Variants in MEST observed in about 807,000 individuals in gnomAD.
MEST encodes the protein mesoderm specific transcript.
A neutral mutation model predicts 50.9 loss-of-function variants in MEST; 18 were observed. That is an observed-to-expected ratio of 0.35 (90% CI 0.24 to 0.52). The LOEUF (loss-of-function observed/expected upper bound fraction) is 0.52, where lower values mean the gene tolerates loss of function less well. Ranked by LOEUF, MEST falls within the 20% of genes least tolerant of loss-of-function variation. The pLI is 0.94. For synonymous variants in MEST, 130 were observed against 154.1 expected (o/e 0.84, Z 1.16); for missense variants, 282 against 425.3 (o/e 0.66, Z 2.96).
intron 10 of MEST, among the ~76,000 whole-genome samples, chr7:130,503,663 T>C (rs1202926575): frequency 6.6e-6 from 1 of 152,066 alleles, no homozygotes; most frequent in African/African-American, 2.4e-5. Context: ...AATTTAAAAG[T>C]TAGCCAAGTG....
Position 130,505,155 on chromosome 7 carries a change from A to T in MEST, c.*99A>T. The T allele has an allele frequency of 2.2e-6, 2 of 894,540 alleles. No individual in the cohort carries two copies. Among genetic ancestry groups the T allele is most frequent in the South Asian group, 2.9e-5 (2 of 68,630 alleles). 55.4% of individuals were successfully genotyped at this position (894,540 alleles called of 1,614,324 possible). ...GCCCAAAAGAGGTCCTGGCCATCAA[A>T]CATAATTCTCTCACAAAGTCCACTT... On this transcript the variant is annotated 3_prime_UTR_variant, in exon 12 of 12. Coordinates refer to ENST00000223215, the MANE Select transcript of MEST (RefSeq NM_002402.4).
chr7:130,495,242 T>C (rs1554436486), intron 1 of MEST, 126 bp from the exon 2 acceptor site: 4 of 911,108 alleles, frequency 4.4e-6, no homozygotes, highest in Admixed American at 5.3e-5. Context: ...TTTGTGCCTA[T>C]GTGAAGGGCA....
intron 9 of MEST, among the ~76,000 whole-genome samples, chr7:130,501,630 C>T (rs1052242541): frequency 1.3e-5 from 2 of 152,090 alleles, no homozygotes; most frequent in African/African-American, 2.4e-5. Flanking sequence ...TGGTGTCTTA[C>T]GCTGGAGAAA....
In MEST at chr7:130,506,227, AG is replaced by A. The variant is rs1161897346; in HGVS notation, c.*1172del. On this transcript the variant is annotated 3_prime_UTR_variant, in exon 12 of 12. Transcript: ENST00000223215. ...TCGTTTTTTTAAATTAGCAACTTCA[AG>A]TATAACAACTTTGAAACTGGAATAA... The A allele has an allele frequency of 4.6e-5, 7 of 152,462 alleles. No homozygotes were observed. The highest frequency in any genetic ancestry group is 4.6e-4 in the Admixed American group (7 of 15,280). 9.4% of individuals were successfully genotyped at this position (152,462 alleles called of 1,614,324 possible). A position where few individuals can be genotyped will look rare whatever the true frequency, so the allele number is the denominator to read the frequency against.
chr7:130,504,038 A>G (rs1799379207), intron 11 of MEST, 42 bp downstream of exon 11: 2 of 1,494,438 alleles, frequency 1.3e-6, no homozygotes, highest in East Asian at 4.5e-5. Flanking sequence ...TTAGTATCTC[A>G]TCCTGACAGT....
Position 130,500,471 on chromosome 7 carries a change from G to C in MEST, c.586G>C (p.Asp196His). Residue 196 changes from aspartate to histidine, a missense_variant, in exon 8 of 12, where the codon GAT becomes CAT. By Grantham distance (81) the Asp-to-His change is moderately conservative. Coordinates refer to ENST00000223215, the MANE Select transcript of MEST (RefSeq NM_002402.4). The surrounding 1 kb of genome is among the most constrained non-coding windows in gnomAD (Gnocchi z 5.0). ...ACTTATTCCCCTCCAGCTACTCAAAGATGGAGGTGTGCTGTCACCCATCCT... is the reference window on the plus strand; with the variant it reads ...ACTTATTCCCCTCCAGCTACTCAAACATGGAGGTGTGCTGTCACCCATCCT... Reference protein sequence around the residue: ...RPLLLQKLLKDGGVLSPILTR... With the variant: ...RPLLLQKLLKHGGVLSPILTR... 1 of 1,613,730 alleles carries C rather than the reference G, an allele frequency of 6.2e-7. No homozygotes were observed. Among genetic ancestry groups the C allele is most frequent in the Non-Finnish European group, 8.5e-7 (1 of 1,179,830 alleles).
At position 130,502,245 on chromosome 7, in the gene MEST, C is replaced by G. The variant is rs141299852; in HGVS notation, c.750-399C>G. Among the ~76,000 whole-genome samples, 4 of 152,172 alleles carry G rather than the reference C, an allele frequency of 2.6e-5. No homozygotes were observed. The East Asian group carries it at 7.7e-4, about 29-fold the overall frequency. On this transcript the variant is annotated intron_variant, in intron 9 of 11. Transcript: ENST00000223215. Reference sequence around the variant, plus strand: ...AGACCCTGTCTTTTAAAAAACAAACCAACAAATGAGGAAACCGAGTTGAAA... The same window carrying G: ...AGACCCTGTCTTTTAAAAAACAAACGAACAAATGAGGAAACCGAGTTGAAA...
chr7:130,495,284 C>T (rs962677035), intron 1 of MEST, 84 bp from the exon 2 acceptor site: 1 of 1,392,688 alleles, frequency 7.2e-7, no homozygotes, highest in Non-Finnish European at 9.8e-7. Context: ...AGCAATCTCC[C>T]ACCCCATCTT....
chr7:130,500,671 A>AG lies in MEST; in HGVS notation c.648-118_648-117insG. The AG allele has an allele frequency of 8.4e-7, 1 of 1,196,956 alleles. No individual in the cohort carries two copies. The highest frequency in any genetic ancestry group is 1.5e-5 in the South Asian group (1 of 68,586). The allele number at this position is 1,196,956 out of a possible 1,614,324, so 74.1% of individuals were successfully genotyped here. Reference sequence around the variant, plus strand: ...CTTGCCAGGGAAGTAGAAGGAATTCATAAATCACTTATGGGTCAGACTGCA... The same window carrying AG: ...CTTGCCAGGGAAGTAGAAGGAATTCAGTAAATCACTTATGGGTCAGACTGCA... On this transcript the variant is annotated intron_variant, in intron 8 of 11. Coordinates refer to ENST00000223215, the MANE Select transcript of MEST (RefSeq NM_002402.4). The surrounding 1 kb of genome is among the most constrained non-coding windows in gnomAD (Gnocchi z 5.0).
At chr7:130,488,159 T>C (rs560561561), upstream of MEST, 2 of 152,288 alleles carry the variant, frequency 1.3e-5, no homozygotes, top group African/African-American at 4.8e-5. Flanking sequence ...TTACATCAGA[T>C]GGGAAAAGAC....
intron 6 of MEST, among the ~76,000 whole-genome samples, chr7:130,499,307 G>A (rs952130966): frequency 1.3e-5 from 2 of 152,194 alleles, no homozygotes; most frequent in African/African-American, 4.8e-5. Context: ...TATGCTCATG[G>A]CTTTCTTCCA....
At position 130,500,144 on chromosome 7, in the gene MEST, G is replaced by A. The variant is rs1040595080; in HGVS notation, c.576+229G>A. 29 of 545,052 alleles carry A rather than the reference G, an allele frequency of 5.3e-5. No homozygotes were observed. The South Asian group carries it at 8.3e-4, about 16-fold the overall frequency. The allele number at this position is 545,052 out of a possible 1,614,324, so 33.8% of individuals were successfully genotyped here. A position where few individuals can be genotyped will look rare whatever the true frequency, so the allele number is the denominator to read the frequency against. On this transcript the variant is annotated intron_variant, in intron 7 of 11. Coordinates refer to ENST00000223215, the MANE Select transcript of MEST (RefSeq NM_002402.4). The surrounding 1 kb of genome is among the most constrained non-coding windows in gnomAD (Gnocchi z 5.0). Reference sequence around the variant, plus strand: ...AGAATAAGAGATCAACAAATATTTGGAGAAATTACAGCTATGGAAAGATCT... The same window carrying A: ...AGAATAAGAGATCAACAAATATTTGAAGAAATTACAGCTATGGAAAGATCT...
At chr7:130,494,072 A>C (rs1202537267) in intron 1 of MEST, among the ~76,000 whole-genome samples, 1 of 152,206 alleles carries the variant, frequency 6.6e-6, no homozygotes, top group Non-Finnish European at 1.5e-5. Flanking sequence ...TAGCCTGGGG[A>C]GCTGACATTG....
chr7:130,490,362 C>T (rs756626131), upstream of MEST, among the ~76,000 whole-genome samples: 6 of 152,168 alleles, frequency 3.9e-5, no homozygotes, highest in Non-Finnish European at 5.9e-5. Context: ...CCTGAGCCTC[C>T]GGTGCTTTGC....
In MEST at chr7:130,492,123, G is replaced by T. The variant is rs1798840277; in HGVS notation, c.-191G>T. The T allele has an allele frequency of 1.3e-5, 4 of 304,498 alleles. 1 individual carries two copies. Among genetic ancestry groups the T allele is most frequent in the Non-Finnish European group, 2.3e-5 (4 of 172,572 alleles). 18.9% of individuals were successfully genotyped at this position (304,498 alleles called of 1,614,324 possible). On this transcript the variant is annotated 5_prime_UTR_variant, in exon 1 of 12. Transcript: ENST00000223215. This position sits in a 1 kb window ranked among gnomAD's most constrained non-coding sequence, Gnocchi z 7.6. ...AGCACACCCCGGCACCTCCTCTGCG[G>T]CAGCTGCGCCTCGCAAGCGCAGTGC...
At chr7:130,491,197 TCC>T, upstream of MEST, 1 of 152,476 alleles carries the variant, frequency 6.6e-6, no homozygotes, top group Middle Eastern at 3.4e-3. This position sits in a 1 kb window ranked among gnomAD's most constrained non-coding sequence, Gnocchi z 6.8. Context: ...GAAAAATTCC[TCC>T]CTCTTTCTTG....
rs1799001739 is a variant in MEST at position 130,495,245 on chromosome 7, G to C, written c.27-123G>C. On this transcript the variant is annotated intron_variant, in intron 1 of 11. Coordinates refer to ENST00000223215, the MANE Select transcript of MEST (RefSeq NM_002402.4). ...GTCTCGGTCAGCTTTGTGCCTATGT[G>C]AAGGGCAATGTAATCATTGCATGGT... The C allele has an allele frequency of 3.1e-6, 3 of 960,800 alleles. No homozygotes were observed. The East Asian group carries it at 7.8e-5, about 25-fold the overall frequency. The allele number at this position is 960,800 out of a possible 1,614,324, so 59.5% of individuals were successfully genotyped here.
chr7:130,503,976 A>T lies in MEST; in HGVS notation c.870A>T (p.Pro290=), dbSNP rs782817897. 1 of 1,613,408 alleles carries T rather than the reference A, an allele frequency of 6.2e-7. No homozygotes were observed. The highest frequency in any genetic ancestry group is 8.5e-7 in the Non-Finnish European group (1 of 1,179,388). ...CATTGGATCCTGTAAATCCCTATCC[A>T]GAGTTTTTGGAGCTGTACAGGTGAG... The part of the protein sequence containing the change: ...YGPLDPVNPY[P]EFLELYRKTL... Residue 290 remains proline, a synonymous_variant, in exon 11 of 12, where the codon CCA becomes CCT. Coordinates refer to ENST00000223215, the MANE Select transcript of MEST (RefSeq NM_002402.4).
At position 130,500,926 on chromosome 7, in the gene MEST, G is replaced by A. The variant is rs374294445; in HGVS notation, c.749+36G>A. On this transcript the variant is annotated intron_variant, in intron 9 of 11. Coordinates refer to ENST00000223215, the MANE Select transcript of MEST (RefSeq NM_002402.4). This position sits in a 1 kb window ranked among gnomAD's most constrained non-coding sequence, Gnocchi z 5.0. ...ACCCTTTGCTTTGGTTTCCAGAGACGTGTTTTTGTGGAGAGTGGGGATTGC... is the reference window on the plus strand; with the variant it reads ...ACCCTTTGCTTTGGTTTCCAGAGACATGTTTTTGTGGAGAGTGGGGATTGC... 9.6e-5 allele frequency: 149 copies of A among 1,557,992 alleles called. 1 individual carries two copies. The African/African-American group carries it at 1.7e-3, about 18-fold the overall frequency.
Sources: gnomAD v4.1 joint callset for allele counts (sites outside exome capture counted in the v4.1 genomes callset) on GRCh38, gnomAD v4.1.1 for gene constraint, Gnocchi (gnomAD v3.1) non-coding constraint, MANE v1.5 for transcripts, NCBI Gene and HGNC (gene_info 2026-07-23, HGNC 2026-07-21) for gene names.